The following METTL21A variants were observed in gnomAD, a reference collection of about 807,000 sequenced individuals.
METTL21A encodes methyltransferase 21A, HSPA lysine, also known as protein N-lysine methyltransferase METTL21A.
A neutral mutation model predicts 20.9 loss-of-function variants in METTL21A; 22 were observed. That is an observed-to-expected ratio of 1.05 (90% CI 0.75 to 1.50). METTL21A has a LOEUF of 1.50. METTL21A is among the 40% of genes most tolerant of loss of function. The pLI, the probability that METTL21A is intolerant of heterozygous loss-of-function variation, is 0.00. For synonymous variants in METTL21A, 93 were observed against 102.0 expected (o/e 0.91, Z 0.53); for missense variants, 271 against 266.8 (o/e 1.02, Z -0.11).
At chr2:207,596,835 AAAAG>A in intron 3 of METTL21A, 2 of 1,537,430 alleles carry the variant, frequency 1.3e-6, no homozygotes, top group Non-Finnish European at 1.8e-6. Flanking sequence ...ATTTCTTTAA[AAAAG>A]AAAAAAAAAA....
upstream of METTL21A, chr2:207,625,771 A>G (rs2107413165): frequency 6.6e-6 from 1 of 152,392 alleles, no homozygotes; most frequent in South Asian, 2.1e-4. Context: ...TGTTTTTTAA[A>G]GGTGGCGCGT....
At chr2:207,585,813 G>A (rs950099999) in intron 3 of METTL21A, among the ~76,000 whole-genome samples, 1 of 152,062 alleles carries the variant, frequency 6.6e-6, no homozygotes, top group Admixed American at 6.5e-5. Flanking sequence ...TAAGAGAGAG[G>A]TCTTTTAAAA....
intron 3 of METTL21A, 27 bp from the exon 4 acceptor site, chr2:207,613,470 A>G (rs761638204): frequency 6.5e-7 from 1 of 1,548,600 alleles, no homozygotes; most frequent in East Asian, 2.2e-5. Flanking sequence ...AGAAAAAGTG[A>G]TGTGTACATC....
At chr2:207,598,069 A>ATAT in intron 3 of METTL21A, 1 of 181,136 alleles carries the variant, frequency 5.5e-6, no homozygotes, top group Non-Finnish European at 1.2e-5. Flanking sequence ...AAGCAAAGTG[A>ATAT]TATATATTTG....
At chr2:207,590,447 G>A (rs72958119) in intron 3 of METTL21A, among the ~76,000 whole-genome samples, 1,613 of 151,726 alleles carry the variant, frequency 0.011, 21 homozygotes, top group Middle Eastern at 0.017. Flanking sequence ...CCTTAGAATT[G>A]TATTGATTTG....
rs780717227 is a variant in METTL21A at position 207,613,095 on chromosome 2, TC to T, written c.607del (p.Asp203MetfsTer20). 6.3e-7 allele frequency: 1 copy of T among 1,596,850 alleles called. No homozygotes were observed. Among genetic ancestry groups the T allele is most frequent in the East Asian group, 2.2e-5 (1 of 44,762 alleles). Reference sequence around the variant, plus strand: ...CTTCTGTGCTTCGTAAATATGTACATCTTTTTCAGGATCGTAGTGAACCTTT... The same window carrying T: ...CTTCTGTGCTTCGTAAATATGTACATTTTTTCAGGATCGTAGTGAACCTTT... On this transcript the variant is annotated frameshift_variant, in exon 4 of 4. Transcript: ENST00000406927. LOFTEE classifies it high-confidence loss of function.
intron 3 of METTL21A, among the ~76,000 whole-genome samples, chr2:207,588,887 G>C (rs2084417829): frequency 7.6e-6 from 1 of 132,244 alleles, no homozygotes; most frequent in South Asian, 2.5e-4. Context: ...TAGGAGCTTT[G>C]TCGGGGGGGG....
At chr2:207,586,064 C>T (rs2551645) in intron 3 of METTL21A, among the ~76,000 whole-genome samples, 83,255 of 151,976 alleles carry the variant, frequency 0.55, 24,459 homozygotes, top group Middle Eastern at 0.71. Context: ...CTAAGACACA[C>T]TATTTTCAAA....
chr2:207,594,498 T>C (rs1175244437), intron 3 of METTL21A, among the ~76,000 whole-genome samples: 1 of 152,200 alleles, frequency 6.6e-6, no homozygotes, highest in Non-Finnish European at 1.5e-5. Flanking sequence ...GAGACTAGCT[T>C]GTGTCAGCAT....
downstream of METTL21A, chr2:207,581,631 T>C (rs867661991): frequency 9.9e-6 from 4 of 405,828 alleles, no homozygotes; most frequent in African/African-American, 6.2e-5. Context: ...ATTTTAAACT[T>C]ACAAAGGAGT....
At chr2:207,620,661 T>C (rs952958699) in intron 3 of METTL21A, 3 of 1,535,246 alleles carry the variant, frequency 2.0e-6, no homozygotes, top group Admixed American at 3.9e-5. Context: ...TAAAAGGCAG[T>C]GTACCAGCAA....
chr2:207,582,170 A>G (rs1366929697), intron 3 of METTL21A: 2 of 702,892 alleles, frequency 2.8e-6, no homozygotes, highest in Non-Finnish European at 5.2e-6. Flanking sequence ...CCTAAAAGGG[A>G]GAATATGAAA....
At chr2:207,586,666 G>C (rs2083897995) in intron 3 of METTL21A, among the ~76,000 whole-genome samples, 1 of 152,184 alleles carries the variant, frequency 6.6e-6, no homozygotes, top group South Asian at 2.1e-4. Context: ...TCTGACAAGG[G>C]ACTGATAACC....
At chr2:207,620,897 T>A in intron 3 of METTL21A, 1 of 420,096 alleles carries the variant, frequency 2.4e-6, no homozygotes, top group Non-Finnish European at 4.3e-6. Context: ...ATGCGATGGG[T>A]TTAGAATACT....
In METTL21A at chr2:207,590,494, G is replaced by A. The variant is rs896010701; in HGVS notation, c.260-8334C>T. ...TTGTTATTTTCTCCTGCTTGCTTTG[G>A]TTTTTTTAGTTGTTCTCTTTCTAGT... On this transcript the variant is annotated intron_variant, in intron 3 of 3. Transcript: ENST00000425132. Among the ~76,000 whole-genome samples, 115 of 151,058 alleles carry A rather than the reference G, an allele frequency of 7.6e-4. 1 individual carries two copies. The highest frequency in any genetic ancestry group is 2.7e-4 in the Non-Finnish European group (18 of 67,746).
chr2:207,600,333 G>A (rs1208548378), intron 3 of METTL21A: 3 of 180,938 alleles, frequency 1.7e-5, no homozygotes, highest in African/African-American at 7.1e-5. Context: ...GTATATTGAG[G>A]TCAGATGAAA....
At chr2:207,613,235 A>C in exon 4 of METTL21A, 1 of 1,613,226 alleles carries the variant, frequency 6.2e-7, no homozygotes, top group Non-Finnish European at 8.5e-7. Flanking sequence ...CCAGTGTCTG[A>C]AGAAGATCTG....
intron 3 of METTL21A, among the ~76,000 whole-genome samples, chr2:207,586,232 A>T (rs2083816012): frequency 6.6e-6 from 1 of 152,220 alleles, no homozygotes; most frequent in African/African-American, 2.4e-5. Context: ...GTATTGATAT[A>T]AAAACACATA....
chr2:207,619,404 T>C (rs1420556497), intron 3 of METTL21A, among the ~76,000 whole-genome samples: 4 of 152,118 alleles, frequency 2.6e-5, no homozygotes, highest in Non-Finnish European at 2.9e-5. Flanking sequence ...CACTACCTAT[T>C]CTAGTACTCA....
Sources: allele counts gnomAD v4.1 joint callset (sites outside exome capture counted in the v4.1 genomes callset), GRCh38; gene constraint gnomAD v4.1.1; transcripts MANE v1.5; gene names NCBI Gene and HGNC (gene_info 2026-07-23, HGNC 2026-07-21).